STK32C: variants seen among roughly 807,000 people sequenced by gnomAD.
STK32C encodes serine/threonine-protein kinase 32C.
In STK32C, 31 loss-of-function variants were observed where a neutral mutation model predicts 56.5. The observed-to-expected ratio is 0.55, with a 90% CI of 0.41 to 0.74. The LOEUF (loss-of-function observed/expected upper bound fraction) is 0.74, where lower values mean the gene tolerates loss of function less well. STK32C is among the 30% of genes least tolerant of loss of function. The probability of loss-of-function intolerance (pLI) is 0.00; values close to 1 mark genes in which losing one functional copy is unlikely to be tolerated. For missense variants in STK32C, 544 were observed against 676.9 expected, an observed-to-expected ratio of 0.80 and a Z score of 2.18; for synonymous variants, 309 against 289.4, an observed-to-expected ratio of 1.07 and a Z score of -0.69.
intron 2 of STK32C, among the ~76,000 whole-genome samples, chr10:132,234,838 C>T (rs2063219510): frequency 6.6e-6 from 1 of 152,232 alleles, no homozygotes; most frequent in Non-Finnish European, 1.5e-5. Context: ...TAATTTGTTA[C>T]AGCAGCCATT....
At chr10:132,281,697 C>T (rs942483655) in intron 1 of STK32C, among the ~76,000 whole-genome samples, 4 of 152,192 alleles carry the variant, frequency 2.6e-5, no homozygotes, top group Admixed American at 1.3e-4. Context: ...CCCCCTGGGC[C>T]GGTCGGGTGG....
chr10:132,208,257 C>T (rs2062164385), intron 11 of STK32C, 106 bp from the exon 12 acceptor site: 3 of 1,216,774 alleles, frequency 2.5e-6, no homozygotes, highest in South Asian at 4.2e-5. Context: ...CGTGGATGCC[C>T]AAACGTGGGC....
upstream of STK32C, among the ~76,000 whole-genome samples, chr10:132,310,130 CAA>C (rs1344655876): frequency 2.0e-5 from 3 of 152,204 alleles, no homozygotes; most frequent in Non-Finnish European, 4.4e-5. The surrounding 1 kb of genome is among the most constrained non-coding windows in gnomAD (Gnocchi z 4.6). Flanking sequence ...CTGCAGAAGA[CAA>C]GAGTGCAGGG....
chr10:132,240,730 G>A (rs1472908698), intron 2 of STK32C, among the ~76,000 whole-genome samples: 1 of 152,120 alleles, frequency 6.6e-6, no homozygotes, highest in Non-Finnish European at 1.5e-5. Context: ...GATGGCCTGG[G>A]GTGAGGGGTG....
chr10:132,286,414 C>T (rs193185692), intron 1 of STK32C, among the ~76,000 whole-genome samples: 302 of 152,270 alleles, frequency 2.0e-3, no homozygotes, highest in African/African-American at 6.9e-3. Flanking sequence ...AAGAGAACAC[C>T]GCTCAACTCA....
chr10:132,226,178 TGGTGCCTA>T (rs1219927862), intron 4 of STK32C, among the ~76,000 whole-genome samples: 2 of 152,238 alleles, frequency 1.3e-5, no homozygotes, highest in African/African-American at 4.8e-5. Flanking sequence ...GCTCAGTGAC[TGGTGCCTA>T]GGTCATAATC....
chr10:132,327,749 T>A (rs1332767281), intron 1 of STK32C, among the ~76,000 whole-genome samples: 1 of 152,170 alleles, frequency 6.6e-6, no homozygotes, highest in Non-Finnish European at 1.5e-5. Context: ...AGCGCTGGGA[T>A]TACAGGTGTG....
chr10:132,238,400 G>GCA (rs1195204645), intron 2 of STK32C, among the ~76,000 whole-genome samples: 4 of 152,228 alleles, frequency 2.6e-5, no homozygotes, highest in Non-Finnish European at 5.9e-5. Context: ...GGGCCACACA[G>GCA]CAAAGACCAG....
At chr10:132,218,030 A>G (rs1026067100) in intron 10 of STK32C, among the ~76,000 whole-genome samples, 1 of 152,190 alleles carries the variant, frequency 6.6e-6, no homozygotes, top group African/African-American at 2.4e-5. Context: ...GGTCTAAAAT[A>G]CACCAATTAG....
At chr10:132,279,107 T>C (rs1224100785) in intron 1 of STK32C, among the ~76,000 whole-genome samples, 1 of 152,150 alleles carries the variant, frequency 6.6e-6, no homozygotes, top group Non-Finnish European at 1.5e-5. Flanking sequence ...GCAACAGTGA[T>C]CAATAGTCCA....
chr10:132,224,661 G>A (rs1353087500), intron 7 of STK32C, 138 bp from the exon 8 acceptor site: 3 of 675,036 alleles, frequency 4.4e-6, no homozygotes, highest in Non-Finnish European at 7.9e-6. Flanking sequence ...AGCACAGCCT[G>A]GCCTCCACCT....
intron 10 of STK32C, among the ~76,000 whole-genome samples, chr10:132,222,293 C>T (rs980001807): frequency 1.3e-5 from 2 of 151,444 alleles, no homozygotes; most frequent in African/African-American, 4.9e-5. Context: ...TCCCGGCACA[C>T]ATACCTGATG....
intron 1 of STK32C, among the ~76,000 whole-genome samples, chr10:132,281,655 G>T (rs1025310738): frequency 7.9e-5 from 12 of 152,326 alleles, no homozygotes; most frequent in African/African-American, 2.6e-4. Flanking sequence ...AAAGGGCTCC[G>T]GTTGGAAAGC....
At chr10:132,258,906 G>A (rs1590297439) in intron 1 of STK32C, among the ~76,000 whole-genome samples, 1 of 152,272 alleles carries the variant, frequency 6.6e-6, no homozygotes, top group African/African-American at 2.4e-5. Flanking sequence ...GGGGGTTGAG[G>A]ATGACCAGTT....
At chr10:132,283,951 T>C (rs988332362) in intron 1 of STK32C, among the ~76,000 whole-genome samples, 1 of 151,990 alleles carries the variant, frequency 6.6e-6, no homozygotes, top group African/African-American at 2.4e-5. Context: ...CACCTGATGG[T>C]CAGAGGCAAG....
At chr10:132,293,741 C>A (rs1462801063) in intron 1 of STK32C, among the ~76,000 whole-genome samples, 1 of 152,134 alleles carries the variant, frequency 6.6e-6, no homozygotes. Context: ...AAGAACAGAG[C>A]CAGGAGCCCA....
At chr10:132,326,445 C>T (rs1044190582) in intron 1 of STK32C, among the ~76,000 whole-genome samples, 14 of 152,154 alleles carry the variant, frequency 9.2e-5, no homozygotes, top group Non-Finnish European at 1.9e-4. Context: ...AATTCTTGTG[C>T]CTCAGACTCC....
chr10:132,297,681 A>G (rs1315069349), intron 1 of STK32C, among the ~76,000 whole-genome samples: 3 of 152,216 alleles, frequency 2.0e-5, no homozygotes, highest in Admixed American at 6.5e-5. Flanking sequence ...TTGGGGGCAA[A>G]ATAAACAAAG....
Position 132,255,704 on chromosome 10 carries a change from A to G in STK32C, c.263-9749T>C, listed in dbSNP as rs1346639374. Among the ~76,000 whole-genome samples the G allele has an allele frequency of 6.6e-6, 1 of 152,168 alleles. No individual in the cohort carries two copies. Among genetic ancestry groups the G allele is most frequent in the Non-Finnish European group, 1.5e-5 (1 of 68,008 alleles). ...TGAGGATGTGTTGAAACCCCAGGGC[A>G]GGAAGGTCAGAGATCAGGAGAGGGG... On this transcript the variant is annotated intron_variant, in intron 1 of 11. Transcript: ENST00000298630. This position sits in a 1 kb window ranked among gnomAD's most constrained non-coding sequence, Gnocchi z 4.6.
Sources: allele counts gnomAD v4.1 joint callset (sites outside exome capture counted in the v4.1 genomes callset), GRCh38; gene constraint gnomAD v4.1.1; non-coding constraint Gnocchi (gnomAD v3.1); transcripts MANE v1.5; gene names NCBI Gene and HGNC (gene_info 2026-07-23, HGNC 2026-07-21).